The following EPG5 variants were observed in gnomAD, a reference collection of about 807,000 sequenced individuals.
The protein encoded by EPG5 is ectopic P-granules 5 autophagy tethering factor, also known as ectopic P granules protein 5 homolog.
Under a neutral mutation model 302.7 loss-of-function variants are expected in EPG5, and 159 were observed. The observed-to-expected ratio is 0.53, with a 90% confidence interval of 0.46 to 0.60. The LOEUF is 0.60. EPG5 is among the 20% of genes least tolerant of loss of function. EPG5 has a pLI of 0.00. For synonymous variants in EPG5, 1,158 were observed against 1,136.8 expected (o/e 1.02, Z -0.37); for missense variants, 2,896 against 3,092.4 (o/e 0.94, Z 1.51).
intron 9 of EPG5, among the ~76,000 whole-genome samples, chr18:45,942,412 G>A (rs1054674155): frequency 6.6e-6 from 1 of 152,070 alleles, no homozygotes; most frequent in African/African-American, 2.4e-5. Context: ...AAACCAGCCT[G>A]GGCAATGTGG....
At chr18:45,856,164 T>G (rs2048511784) in intron 42 of EPG5, among the ~76,000 whole-genome samples, 2 of 152,296 alleles carry the variant, frequency 1.3e-5, no homozygotes, top group South Asian at 4.1e-4. Flanking sequence ...CATCAGCTAA[T>G]GAATGGATAA....
In EPG5 at chr18:45,948,543, G is replaced by A; in HGVS notation, c.1531C>T (p.His511Tyr). ...KVLHNPSGVF[H>Y]FMQSLALLMS... is the part of the protein sequence containing the mutation. Reference sequence around the variant, plus strand: ...AGCAGGGCAAGGGATTGCATAAAATGAAAGACCCCTGATGGGTTATGCAAC... The same window carrying A: ...AGCAGGGCAAGGGATTGCATAAAATAAAAGACCCCTGATGGGTTATGCAAC... The change falls in exon 6 of 44, where the codon CAT becomes TAT. Residue 511 changes from histidine to tyrosine, a missense_variant. Physicochemically the swap from His to Tyr is moderately conservative, Grantham distance 83. Around this residue, in one of 5 missense-constraint regions of EPG5, gnomAD observed 1,390 missense variants for 1,430.0 expected, o/e 0.97. Transcript: ENST00000282041. The A allele has an allele frequency of 6.2e-7, 1 of 1,613,938 alleles. No homozygotes were observed. Among genetic ancestry groups the A allele is most frequent in the South Asian group, 1.1e-5 (1 of 91,076 alleles).
chr18:45,884,752 G>A lies in EPG5; in HGVS notation c.5169C>T (p.Asn1723=). 1 of 1,600,758 alleles carries A rather than the reference G, an allele frequency of 6.2e-7. No individual in the cohort carries two copies. The highest frequency in any genetic ancestry group is 8.5e-7 in the Non-Finnish European group (1 of 1,175,616). The change falls in exon 30 of 44, where the codon AAC becomes AAT. Residue 1723 remains asparagine (N), a synonymous_variant. Coordinates refer to ENST00000282041, the MANE Select transcript of EPG5 (RefSeq NM_020964.3). Reference sequence around the variant, plus strand: ...GAGACAGCAGGGAGCAGAGCCTGCTGTTCTTCAGAATGGTTTCAAGTACTT... The same window carrying A: ...GAGACAGCAGGGAGCAGAGCCTGCTATTCTTCAGAATGGTTTCAAGTACTT... ...CRKVLETILK[N]SRLCSLLSPF...
intron 25 of EPG5, 100 bp from the exon 26 acceptor site, chr18:45,901,267 T>C (rs1183578256): frequency 2.5e-5 from 25 of 1,017,138 alleles, no homozygotes; most frequent in Non-Finnish European, 3.4e-5. Flanking sequence ...CCTCAAAAAA[T>C]TTATAGTCTT....
chr18:45,953,285 A>G (rs566898516), intron 2 of EPG5: 5 of 984,708 alleles, frequency 5.1e-6, no homozygotes, highest in Admixed American at 1.2e-4. Flanking sequence ...AGCCAATGTG[A>G]TATCTCCAAA....
intron 4 of EPG5, 68 bp downstream of exon 4, chr18:45,951,034 T>A (rs1438995957): frequency 7.9e-7 from 1 of 1,271,058 alleles, no homozygotes; most frequent in East Asian, 2.7e-5. Context: ...TGTAATGATA[T>A]AACAGATAAT....
the EPG5 span, among the ~76,000 whole-genome samples, chr18:45,814,054 A>T: frequency 6.6e-6 from 1 of 152,186 alleles, no homozygotes; most frequent in African/African-American, 2.4e-5. Context: ...CTCCCCACAG[A>T]TTACTTAATA....
intron 16 of EPG5, among the ~76,000 whole-genome samples, 167 bp from the exon 17 acceptor site, chr18:45,917,986 C>A (rs1163158466): frequency 6.6e-6 from 1 of 152,166 alleles, no homozygotes; most frequent in Non-Finnish European, 1.5e-5. Flanking sequence ...TCTAGAATTG[C>A]AAAGAAACTT....
At chr18:45,909,351 C>T (rs1300569222) in intron 23 of EPG5, among the ~76,000 whole-genome samples, 1 of 152,104 alleles carries the variant, frequency 6.6e-6, no homozygotes, top group African/African-American at 2.4e-5. Flanking sequence ...CAGAGAAAGC[C>T]GTCCACTGGT....
the EPG5 span, among the ~76,000 whole-genome samples, chr18:45,807,997 G>A: frequency 6.6e-6 from 1 of 152,040 alleles, no homozygotes; most frequent in African/African-American, 2.4e-5. Flanking sequence ...GAAGTGAAGG[G>A]AGAAATAGTC....
chr18:45,935,069 C>T (rs2050488815), intron 10 of EPG5, 103 bp from the exon 11 acceptor site: 1 of 1,223,980 alleles, frequency 8.2e-7, no homozygotes, highest in African/African-American at 1.5e-5. Context: ...TTAAATCACA[C>T]TATGATTTTT....
In EPG5 at chr18:45,951,510, A is replaced by G. The variant is rs144182547; in HGVS notation, c.1253-272T>C. Among the ~76,000 whole-genome samples, 17,605 of 151,546 alleles carry G rather than the reference A, an allele frequency of 0.12. 1,363 individuals are homozygous for G. Among genetic ancestry groups the G allele is most frequent in the African/African-American group, 0.22 (9,081 of 41,228 alleles). ...CCTCCACTCTGTCACCCAGGCTGGA[A>G]TGCAGTGGCGCAATCTTGACTCACT... On this transcript the variant is annotated intron_variant, in intron 3 of 43. Transcript: ENST00000282041.
rs1599407519 is a variant in EPG5 at position 45,849,259 on chromosome 18, C to CT, written c.*3207_*3208insA. The CT allele has an allele frequency of 2.0e-5, 3 of 152,138 alleles. No individual in the cohort carries two copies. In the East Asian group the frequency reaches 5.8e-4, roughly 29 times the overall value. The allele number at this position is 152,138 out of a possible 1,614,324, so 9.4% of individuals were successfully genotyped here. ...GAACTGCTCTGGACAGAACCACGAC[C>CT]AATAGGCAACGTAGAAACATCTTGG... On this transcript the variant is annotated 3_prime_UTR_variant, in exon 44 of 44. Transcript: ENST00000282041.
rs541045006 is a variant in EPG5, at chr18:45,943,116, C to T, written c.1943+45G>A. ...CCAATTATGCAGTATCTGTGTCTGACCAGGGTGAAAGGAACAGAGAAGGGT... is the reference window on the plus strand; with the variant it reads ...CCAATTATGCAGTATCTGTGTCTGATCAGGGTGAAAGGAACAGAGAAGGGT... On this transcript the variant is annotated intron_variant, in intron 9 of 43. Coordinates refer to ENST00000282041, the MANE Select transcript of EPG5 (RefSeq NM_020964.3). 1.4e-4 allele frequency: 229 copies of T among 1,589,574 alleles called. 2 individuals are homozygous for T. In the South Asian group the frequency reaches 2.5e-3, roughly 17 times the overall value.
the EPG5 span, among the ~76,000 whole-genome samples, chr18:45,836,412 C>T: frequency 4.3e-5 from 6 of 140,810 alleles, no homozygotes; most frequent in East Asian, 1.2e-3. Context: ...CCTGGGGCAC[C>T]GGCTGGGCAG....
intron 14 of EPG5, 108 bp downstream of exon 14, chr18:45,925,630 G>T: frequency 1.2e-6 from 1 of 817,390 alleles, no homozygotes; most frequent in Non-Finnish European, 1.8e-6. Flanking sequence ...CAAAGAATTT[G>T]TAGACCTTGC....
At chr18:45,927,941 C>A (rs906218777) in intron 13 of EPG5, among the ~76,000 whole-genome samples, 1 of 152,070 alleles carries the variant, frequency 6.6e-6, no homozygotes, top group Admixed American at 6.5e-5. Context: ...TGCCTGTAAT[C>A]CCAGCACTTT....
the EPG5 span, among the ~76,000 whole-genome samples, chr18:45,824,981 G>A: frequency 3.4e-4 from 52 of 152,064 alleles, no homozygotes; most frequent in Non-Finnish European, 6.5e-4. Flanking sequence ...GGACAGGGAG[G>A]TGGCTAGCAG....
intron 41 of EPG5, 34 bp from the exon 42 acceptor site, chr18:45,858,102 A>C: frequency 6.4e-7 from 1 of 1,559,136 alleles, no homozygotes; most frequent in Non-Finnish European, 8.8e-7. Flanking sequence ...TAAAATTAGA[A>C]GTAAATTTTT....
Sources: allele counts gnomAD v4.1 joint callset (sites outside exome capture counted in the v4.1 genomes callset), GRCh38; gene constraint gnomAD v4.1.1; regional missense constraint gnomAD v4.1.1; transcripts MANE v1.5; gene names NCBI Gene and HGNC (gene_info 2026-07-23, HGNC 2026-07-21).